The following SLC2A9 variants were observed in gnomAD, a reference collection of about 807,000 sequenced individuals.
The protein encoded by SLC2A9 is solute carrier family 2 member 9, also known as solute carrier family 2, facilitated glucose transporter member 9.
In SLC2A9, 39 loss-of-function variants were observed where a neutral mutation model predicts 50.6. The ratio of observed to expected loss-of-function variants is 0.77; its 90% CI spans 0.60 to 1.01. SLC2A9 has a LOEUF of 1.01. Ranked by LOEUF, SLC2A9 falls within the 50% of genes least tolerant of loss-of-function variation. SLC2A9 has a pLI of 0.00. For synonymous variants in SLC2A9, 324 were observed against 276.9 expected (o/e 1.17, Z -1.69); for missense variants, 686 against 677.6 (o/e 1.01, Z -0.14).
intron 5 of SLC2A9, 95 bp downstream of exon 5, chr4:9,980,497 C>T: frequency 1.3e-6 from 2 of 1,573,590 alleles, no homozygotes; most frequent in South Asian, 2.3e-5. Flanking sequence ...CCAGAAATTG[C>T]AAAATACAGG....
intron 2 of SLC2A9, among the ~76,000 whole-genome samples, chr4:10,002,761 G>A (rs1760066382): frequency 1.3e-5 from 2 of 152,166 alleles, no homozygotes; most frequent in Admixed American, 1.3e-4. Flanking sequence ...GCTGAGGCTG[G>A]GGAATATCTT....
chr4:9,781,660 C>G (rs927974472), intron 3 of SLC2A9: 1 of 192,820 alleles, frequency 5.2e-6, no homozygotes. Flanking sequence ...CCGCGACTGC[C>G]TGCCCCAGCC....
At chr4:9,899,006 C>T (rs751443153) in intron 8 of SLC2A9, among the ~76,000 whole-genome samples, 13 of 152,344 alleles carry the variant, frequency 8.5e-5, no homozygotes, top group East Asian at 7.7e-4. Flanking sequence ...CCCCCTCTCT[C>T]TCTCTCTTTC....
intron 5 of SLC2A9, among the ~76,000 whole-genome samples, chr4:9,970,317 A>G (rs1283613294): frequency 1.3e-5 from 2 of 152,206 alleles, no homozygotes; most frequent in Non-Finnish European, 2.9e-5. Context: ...GAAGTCAGCC[A>G]GCCAACTCGG....
intron 3 of SLC2A9, among the ~76,000 whole-genome samples, chr4:9,790,225 C>T (rs971606922): frequency 8.5e-5 from 13 of 152,278 alleles, no homozygotes; most frequent in African/African-American, 3.1e-4. Context: ...CCCATGGGTC[C>T]TCTCCAGGTG....
At chr4:9,912,628 C>A (rs1435075151) in intron 7 of SLC2A9, among the ~76,000 whole-genome samples, 1 of 152,176 alleles carries the variant, frequency 6.6e-6, no homozygotes, top group African/African-American at 2.4e-5. Context: ...AGTCAAGGGT[C>A]CATAAGAGTA....
Position 9,818,648 on chromosome 4 carries a change from A to G in SLC2A9, n.420+7772T>C, listed in dbSNP as rs553409198. On this transcript the variant is annotated intron_variant and non_coding_transcript_variant, in intron 3 of 3. Coordinates refer to the SLC2A9 transcript ENST00000503280. Reference sequence around the variant, plus strand: ...GGGCTGCTGGCCAAGGCCAAGGCCTAGTGGGGAAGAGTGCTCAGAGGAGCT... The same window carrying G: ...GGGCTGCTGGCCAAGGCCAAGGCCTGGTGGGGAAGAGTGCTCAGAGGAGCT... 3.9e-5 allele frequency among the ~76,000 whole-genome samples: 6 copies of G among 152,358 alleles called. No homozygotes were observed. The South Asian group carries it at 1.2e-3, about 32-fold the overall frequency.
At chr4:9,790,420 AT>A (rs1719760729) in intron 3 of SLC2A9, among the ~76,000 whole-genome samples, 2 of 152,288 alleles carry the variant, frequency 1.3e-5, no homozygotes, top group South Asian at 4.2e-4. Context: ...TAATTTGTAG[AT>A]TTGGGAAAGC....
At chr4:9,901,526 A>G (rs930290834) in intron 8 of SLC2A9, among the ~76,000 whole-genome samples, 2 of 152,190 alleles carry the variant, frequency 1.3e-5, no homozygotes, top group African/African-American at 2.4e-5. Context: ...GAGGGATTTA[A>G]AGCATGACCT....
At chr4:9,937,847 C>T (rs1241267878) in intron 6 of SLC2A9, among the ~76,000 whole-genome samples, 3 of 152,192 alleles carry the variant, frequency 2.0e-5, no homozygotes, top group South Asian at 2.1e-4. Context: ...AGGGAGTAAG[C>T]GAGGAGTTTA....
rs140746050 is a variant in SLC2A9, at chr4:9,886,314, G to A, written c.1291+1253C>T. ...AAGACTAAACACATTTACTCCTCGC[G>A]TCCACTGTAAACTACAACATGTGCT... is the stretch of plus-strand genomic sequence containing the variant. On this transcript the variant is annotated intron_variant, in intron 10 of 11. Transcript: ENST00000264784. Among the ~76,000 whole-genome samples, 312 of 152,328 alleles carry A rather than the reference G, an allele frequency of 2.0e-3. 3 individuals are homozygous for A. Among genetic ancestry groups the A allele is most frequent in the African/African-American group, 5.3e-3 (221 of 41,580 alleles).
At chr4:9,941,068 C>T (rs1466602698) in intron 6 of SLC2A9, among the ~76,000 whole-genome samples, 1 of 152,158 alleles carries the variant, frequency 6.6e-6, no homozygotes, top group African/African-American at 2.4e-5. Flanking sequence ...CAAGGTCAGA[C>T]ATCAGAGCTG....
At chr4:9,855,044 T>C (rs573053534) in intron 10 of SLC2A9, among the ~76,000 whole-genome samples, 1 of 152,172 alleles carries the variant, frequency 6.6e-6, no homozygotes, top group African/African-American at 2.4e-5. Flanking sequence ...CCTTGAGAAC[T>C]AGAACCAGAT....
At chr4:9,775,519 G>T (rs1464024741), downstream of SLC2A9, among the ~76,000 whole-genome samples, 1 of 152,060 alleles carries the variant, frequency 6.6e-6, no homozygotes, top group African/African-American at 2.4e-5. Context: ...GCTGGAGTTG[G>T]GGCCTGGTGG....
At chr4:9,831,964 A>G in intron 11 of SLC2A9, among the ~76,000 whole-genome samples, 1 of 152,372 alleles carries the variant, frequency 6.6e-6, no homozygotes, top group South Asian at 2.1e-4. Context: ...AACAGCCATT[A>G]ACAAGCCAAG....
At chr4:9,828,701 A>T (rs1466544392) in intron 11 of SLC2A9, among the ~76,000 whole-genome samples, 4 of 152,142 alleles carry the variant, frequency 2.6e-5, no homozygotes, top group Non-Finnish European at 5.9e-5. Flanking sequence ...CTTAAAGGTC[A>T]TTTTCTCAGA....
intron 10 of SLC2A9, among the ~76,000 whole-genome samples, chr4:9,864,581 T>C (rs1341037535): frequency 3.3e-5 from 5 of 152,198 alleles, no homozygotes; most frequent in Non-Finnish European, 7.3e-5. Flanking sequence ...ATCATCTTCA[T>C]ACTATAGATG....
chr4:9,916,136 T>C (rs1742809015), intron 7 of SLC2A9, among the ~76,000 whole-genome samples: 1 of 152,212 alleles, frequency 6.6e-6, no homozygotes, highest in African/African-American at 2.4e-5. Context: ...TCTTAGGCAC[T>C]AAGGTGACAG....
At chr4:10,019,761 A>G (rs1481226155) in intron 1 of SLC2A9, among the ~76,000 whole-genome samples, 1 of 152,270 alleles carries the variant, frequency 6.6e-6, no homozygotes, top group East Asian at 1.9e-4. Context: ...TCCAAGCCTC[A>G]GGACAAGGAC....
Sources: allele counts gnomAD v4.1 joint callset (sites outside exome capture counted in the v4.1 genomes callset), GRCh38; gene constraint gnomAD v4.1.1; transcripts MANE v1.5; gene names NCBI Gene and HGNC (gene_info 2026-07-23, HGNC 2026-07-21).